ADAM10: variants seen among roughly 807,000 people sequenced by gnomAD.
ADAM10 encodes the protein ADAM metallopeptidase domain 10, also known as disintegrin and metalloproteinase domain-containing protein 10.
A neutral mutation model predicts 90.1 loss-of-function variants in ADAM10; 17 were observed. The observed-to-expected ratio is 0.19, with a 90% CI of 0.13 to 0.28. ADAM10 has a LOEUF of 0.28. Among genes scored for constraint, ADAM10 ranks in the 10% least tolerant of loss-of-function variants. The pLI, the probability that ADAM10 is intolerant of heterozygous loss-of-function variation, is 1.00. For synonymous variants in ADAM10, 310 were observed against 298.6 expected (o/e 1.04, Z -0.40); for missense variants, 610 against 914.3 (o/e 0.67, Z 4.29).
At chr15:58,613,754 GA>G (rs1396650008) in intron 11 of ADAM10, among the ~76,000 whole-genome samples, 6 of 150,246 alleles carry the variant, frequency 4.0e-5, no homozygotes, top group East Asian at 1.9e-4. Flanking sequence ...TTAGGGGAAG[GA>G]AAAAAAAAGG....
intron 14 of ADAM10, among the ~76,000 whole-genome samples, chr15:58,602,300 G>A (rs1315655558): frequency 1.3e-5 from 2 of 152,108 alleles, no homozygotes; most frequent in Non-Finnish European, 2.9e-5. Context: ...AAAGAGCCCT[G>A]GTTTCTTTTA....
chr15:58,701,096 G>GT (rs1344641421), intron 2 of ADAM10, among the ~76,000 whole-genome samples: 1 of 143,460 alleles, frequency 7.0e-6, no homozygotes, highest in African/African-American at 2.5e-5. Context: ...ACAAAACCAA[G>GT]TTTTTTTGAA....
At chr15:58,646,819 A>T (rs1896559405) in intron 5 of ADAM10, among the ~76,000 whole-genome samples, 2 of 152,218 alleles carry the variant, frequency 1.3e-5, no homozygotes, top group African/African-American at 4.8e-5. Context: ...TATCAACATT[A>T]CACAGCCTCT....
intron 13 of ADAM10, 138 bp downstream of exon 13, chr15:58,610,861 A>G: frequency 1.4e-6 from 1 of 728,056 alleles, no homozygotes; most frequent in Non-Finnish European, 2.5e-6. Context: ...GCTACGTTAC[A>G]TTTATAATCT....
chr15:58,662,558 C>G (rs1401562028), intron 5 of ADAM10, among the ~76,000 whole-genome samples: 20 of 152,120 alleles, frequency 1.3e-4, no homozygotes, highest in Non-Finnish European at 1.5e-5. Flanking sequence ...TTTGCCCAGG[C>G]TGGTCTCGCA....
In ADAM10 at chr15:58,611,017, C is replaced by A; in HGVS notation, c.1786G>T (p.Val596Leu). ...DGKDDKELCH[V>L]CCMKKMDPST... is the part of the protein sequence containing the mutation. ...GCCTTACTTTTCTTCATACAGCATA[C>A]ATGGCATAATTCTTTATCATCTTTG... The change falls in exon 13 of 16, where the codon GTA becomes TTA. Residue 596 changes from valine (V) to leucine (L), a missense_variant. Physicochemically the swap from Val to Leu is conservative, Grantham distance 32. Around this residue, in one of 4 missense-constraint regions of ADAM10, gnomAD observed 150 missense variants for 268.5 expected, o/e 0.56. Transcript: ENST00000260408. The A allele has an allele frequency of 6.2e-7, 1 of 1,612,988 alleles. No homozygotes were observed. Among genetic ancestry groups the A allele is most frequent in the Non-Finnish European group, 8.5e-7 (1 of 1,178,972 alleles).
intron 4 of ADAM10, among the ~76,000 whole-genome samples, chr15:58,676,465 C>T (rs1250775882): frequency 6.6e-6 from 1 of 152,102 alleles, no homozygotes; most frequent in African/African-American, 2.4e-5. Flanking sequence ...ATATTCTACA[C>T]AGAGAATTTA....
At chr15:58,649,733 G>C in intron 5 of ADAM10, among the ~76,000 whole-genome samples, 1 of 152,136 alleles carries the variant, frequency 6.6e-6, no homozygotes, top group East Asian at 1.9e-4. Flanking sequence ...TTTGGCTTTC[G>C]GACTTCTCAA....
At chr15:58,725,258 T>C (rs1898992250) in intron 1 of ADAM10, among the ~76,000 whole-genome samples, 1 of 150,550 alleles carries the variant, frequency 6.6e-6, no homozygotes, top group Non-Finnish European at 1.5e-5. Flanking sequence ...AAATTAGGCA[T>C]GGTAGTGCAT....
intron 4 of ADAM10, among the ~76,000 whole-genome samples, chr15:58,671,205 CT>C: frequency 6.6e-6 from 1 of 152,272 alleles, no homozygotes; most frequent in Non-Finnish European, 1.5e-5. Flanking sequence ...TCTAAGAAGT[CT>C]CTAGAAGCTA....
chr15:58,642,829 G>A (rs1896451376), intron 7 of ADAM10, among the ~76,000 whole-genome samples: 1 of 152,056 alleles, frequency 6.6e-6, no homozygotes, highest in Non-Finnish European at 1.5e-5. Flanking sequence ...ATACATGAAA[G>A]CAATTAATTA....
chr15:58,643,827 G>A (rs1844299114), intron 7 of ADAM10, 59 bp downstream of exon 7: 1 of 1,257,098 alleles, frequency 8.0e-7, no homozygotes, highest in East Asian at 2.3e-5. Flanking sequence ...GTGTGTGTGT[G>A]TAAACATAGT....
chr15:58,661,115 C>G (rs1329392949), intron 5 of ADAM10, among the ~76,000 whole-genome samples: 3 of 152,212 alleles, frequency 2.0e-5, no homozygotes, highest in Admixed American at 1.3e-4. Flanking sequence ...CTTTGCACTA[C>G]TGTCATAAAT....
rs775042369 is a variant in ADAM10 at position 58,646,026 on chromosome 15, C to A, written c.735+29G>T. On this transcript the variant is annotated intron_variant, in intron 6 of 15. Coordinates refer to ENST00000260408, the MANE Select transcript of ADAM10 (RefSeq NM_001110.4). ...TAGGCATTATAAAACAATATGGGAA[C>A]TACTAAAATAGCGCATAATCATAAA... The A allele has an allele frequency of 5.0e-6, 8 of 1,610,990 alleles. No individual in the cohort carries two copies. In the South Asian group the frequency reaches 6.6e-5, roughly 13 times the overall value.
chr15:58,688,600 T>C (rs767290239), intron 2 of ADAM10, among the ~76,000 whole-genome samples: 3 of 150,712 alleles, frequency 2.0e-5, no homozygotes, highest in Admixed American at 6.6e-5. Flanking sequence ...ATTGTAAATA[T>C]GTTAAAGAAT....
chr15:58,734,327 A>G (rs1481441726), intron 1 of ADAM10, among the ~76,000 whole-genome samples: 1 of 152,236 alleles, frequency 6.6e-6, no homozygotes, highest in Non-Finnish European at 1.5e-5. Context: ...CATTTTAAAG[A>G]AAACTGAGGT....
chr15:58,711,492 T>C (rs770354068), intron 2 of ADAM10, among the ~76,000 whole-genome samples: 6 of 152,180 alleles, frequency 3.9e-5, no homozygotes, highest in Non-Finnish European at 7.3e-5. Context: ...TCAATTAGTC[T>C]GAATTAACCA....
intron 1 of ADAM10, among the ~76,000 whole-genome samples, chr15:58,730,158 T>G (rs1449394461): frequency 1.3e-5 from 2 of 152,224 alleles, no homozygotes; most frequent in Non-Finnish European, 2.9e-5. Flanking sequence ...TCCTTATTTC[T>G]ACACACTTGC....
chr15:58,611,725 C>G lies in ADAM10; in HGVS notation c.1695+83G>C, dbSNP rs1336241257. 4 of 1,314,874 alleles carry G rather than the reference C, an allele frequency of 3.0e-6. No homozygotes were observed. The African/African-American group carries it at 4.5e-5, about 15-fold the overall frequency. 81.5% of individuals were successfully genotyped at this position (1,314,874 alleles called of 1,614,324 possible). On this transcript the variant is annotated intron_variant, in intron 12 of 15. Coordinates refer to ENST00000260408, the MANE Select transcript of ADAM10 (RefSeq NM_001110.4). ...CAGAGACCAAGATTAATTACTTTAA[C>G]TATGTAGCTTTAAGCATCAATAATT...
Sources: gnomAD v4.1 joint callset for allele counts (sites outside exome capture counted in the v4.1 genomes callset) on GRCh38, gnomAD v4.1.1 for gene constraint, gnomAD v4.1.1 regional missense constraint, MANE v1.5 for transcripts, NCBI Gene and HGNC (gene_info 2026-07-23, HGNC 2026-07-21) for gene names.